The following BAHCC1 variants were observed in gnomAD, a reference collection of about 807,000 sequenced individuals.
BAHCC1 encodes BAH domain and coiled-coil containing 1.
A neutral mutation model predicts 88.2 loss-of-function variants in BAHCC1; 43 were observed. That is an observed-to-expected ratio of 0.49 (90% CI 0.38 to 0.63). The LOEUF (loss-of-function observed/expected upper bound fraction) is 0.63. Among genes scored for constraint, BAHCC1 ranks in the 20% least tolerant of loss-of-function variants. The probability of loss-of-function intolerance (pLI) is 0.00; values close to 1 mark genes in which losing one functional copy is unlikely to be tolerated. For synonymous variants in BAHCC1, 1,510 were observed against 745.5 expected, an observed-to-expected ratio of 2.03 and a Z score of -16.71; for missense variants, 3,023 against 1,654.8, an observed-to-expected ratio of 1.83 and a Z score of -14.34.
chr17:81,417,190 C>T (rs905764095), intron 2 of BAHCC1, among the ~76,000 whole-genome samples: 3 of 152,178 alleles, frequency 2.0e-5, no homozygotes, highest in African/African-American at 7.2e-5. Flanking sequence ...GGGTGTCCGT[C>T]TCCCCGCAGC....
chr17:81,400,228 C>T (rs2143165475), intron 2 of BAHCC1, among the ~76,000 whole-genome samples: 1 of 152,336 alleles, frequency 6.6e-6, no homozygotes, highest in African/African-American at 2.4e-5. Flanking sequence ...CTAAATTCCA[C>T]GGAAACCTCT....
chr17:81,412,963 G>A (rs782813559), intron 2 of BAHCC1: 1 of 276,380 alleles, frequency 3.6e-6, no homozygotes, highest in South Asian at 2.6e-5. Context: ...AGCGCAGGAC[G>A]GAAGCTCGGT....
chr17:81,423,257 C>T (rs1181311378), intron 2 of BAHCC1, among the ~76,000 whole-genome samples: 1 of 152,142 alleles, frequency 6.6e-6, no homozygotes, highest in Admixed American at 6.5e-5. Flanking sequence ...TGGCTGCGTT[C>T]GCACACGAGA....
intron 2 of BAHCC1, among the ~76,000 whole-genome samples, chr17:81,419,602 A>C (rs1429762821): frequency 6.8e-6 from 1 of 146,700 alleles, no homozygotes. Flanking sequence ...TGCCGAGGGA[A>C]GAGGGGAGCC....
intron 4 of BAHCC1, among the ~76,000 whole-genome samples, chr17:81,440,801 C>T (rs1338573675): frequency 1.3e-5 from 2 of 152,204 alleles, no homozygotes; most frequent in Non-Finnish European, 2.9e-5. Flanking sequence ...TCTCTGCCCC[C>T]GGAGCCACTG....
intron 14 of BAHCC1, 129 bp from the exon 15 acceptor site, chr17:81,455,134 CTCTG>C: frequency 3.2e-6 from 2 of 624,692 alleles, no homozygotes; most frequent in Non-Finnish European, 5.8e-6. Context: ...TCACCCCCTG[CTCTG>C]TCTGCCCGAG....
intron 3 of BAHCC1, among the ~76,000 whole-genome samples, chr17:81,430,394 G>A (rs887315747): frequency 0.051 from 7,777 of 152,248 alleles, 287 homozygotes; most frequent in Middle Eastern, 0.12. Flanking sequence ...GCACACACAC[G>A]CGCTGGCTCT....
At chr17:81,422,682 C>A in intron 2 of BAHCC1, 1 of 343,892 alleles carries the variant, frequency 2.9e-6, no homozygotes, top group South Asian at 2.1e-5. Context: ...CGGGGAGTGT[C>A]CTGCCCCCAC....
intron 17 of BAHCC1, 72 bp from the exon 18 acceptor site, chr17:81,458,093 C>A (rs993232609): frequency 1.4e-6 from 1 of 699,000 alleles, no homozygotes; most frequent in Non-Finnish European, 2.7e-6. Context: ...GAGGGAGGAC[C>A]GGCACAGTCA....
At chr17:81,412,050 A>G (rs1555647944) in intron 2 of BAHCC1, among the ~76,000 whole-genome samples, 3 of 152,212 alleles carry the variant, frequency 2.0e-5, no homozygotes, top group African/African-American at 7.2e-5. Context: ...GGTGACCCCC[A>G]GGAGGCCTGA....
At chr17:81,457,246 A>G (rs889186941) in intron 16 of BAHCC1, among the ~76,000 whole-genome samples, 164 bp from the exon 17 acceptor site, 3 of 152,132 alleles carry the variant, frequency 2.0e-5, no homozygotes, top group Non-Finnish European at 2.9e-5. Flanking sequence ...CCAGGACCTC[A>G]GGCACCTGCC....
chr17:81,400,355 C>T (rs1486825706), intron 2 of BAHCC1, among the ~76,000 whole-genome samples: 4 of 152,198 alleles, frequency 2.6e-5, no homozygotes, highest in African/African-American at 9.6e-5. Flanking sequence ...ACGCCGCGGC[C>T]TCGCGGATTA....
rs782242715 is a variant in BAHCC1 at position 81,461,563 on chromosome 17, G to C, written c.6900G>C (p.Pro2300=). 1.4e-6 allele frequency: 1 copy of C among 721,372 alleles called. No homozygotes were observed. The highest frequency in any genetic ancestry group is 2.6e-6 in the Non-Finnish European group (1 of 387,650). 44.7% of individuals were successfully genotyped at this position (721,372 alleles called of 1,614,324 possible). ...TCTCGGACGAGGACGAGGACGGGCC[G>C]GGGCTGGCGGCCGGCGTGCCCTCCC... ...SSFSDEDEDG[P]GLAAGVPSRF... is the part of the protein sequence containing the mutation. Residue 2300 remains proline, a synonymous_variant, in exon 26 of 28, where the codon CCG becomes CCC. Transcript: ENST00000675386.
chr17:81,450,748 C>G (rs2064618045), intron 11 of BAHCC1, among the ~76,000 whole-genome samples: 1 of 152,192 alleles, frequency 6.6e-6, no homozygotes, highest in South Asian at 2.1e-4. Context: ...ATCCAGAAAC[C>G]CCTGCCCGCT....
rs782241129 is a variant in BAHCC1 at position 81,452,184 on chromosome 17, C to T, written c.4316+77C>T. 6.9e-4 allele frequency: 379 copies of T among 546,918 alleles called. 1 individual carries two copies. In the Middle Eastern group the frequency reaches 0.01, roughly 15 times the overall value. 33.9% of individuals were successfully genotyped at this position (546,918 alleles called of 1,614,324 possible). On this transcript the variant is annotated intron_variant, in intron 13 of 27. Transcript: ENST00000675386. ...CGGGAGGCGCCCACAGTGCTGGGGC[C>T]GATGTGGGAACAGGCCAGGATTGGG...
intron 2 of BAHCC1, among the ~76,000 whole-genome samples, chr17:81,414,586 G>A (rs782462568): frequency 1.3e-5 from 2 of 152,192 alleles, no homozygotes; most frequent in African/African-American, 2.4e-5. Context: ...TAGGAACGCC[G>A]AGTTTTTACC....
In BAHCC1 at chr17:81,445,680, A is replaced by T. The variant is rs782049712; in HGVS notation, c.3162A>T (p.Pro1054=). 1.2e-5 allele frequency: 9 copies of T among 726,234 alleles called. No homozygotes were observed. Among genetic ancestry groups the T allele is most frequent in the Non-Finnish European group, 2.0e-5 (8 of 390,774 alleles). 45.0% of individuals were successfully genotyped at this position (726,234 alleles called of 1,614,324 possible). A position where few individuals can be genotyped will look rare whatever the true frequency, so the allele number is the denominator to read the frequency against. ...CGGCCGACATCATCACATCCGAACC[A>T]GGTGAGAGTAGCCGCCTGGCCCGGC... ...QSTADIITSE[P]DLPPGYLRPM... is the part of the protein sequence containing the mutation. Residue 1054 remains proline, a splice_region_variant and synonymous_variant, in exon 10 of 28, where the codon CCA becomes CCT. Coordinates refer to ENST00000675386, the MANE Select transcript of BAHCC1 (RefSeq NM_001377448.1).
chr17:81,460,223 G>A (rs782015681), intron 23 of BAHCC1, 54 bp from the exon 24 acceptor site: 52 of 713,690 alleles, frequency 7.3e-5, no homozygotes, highest in Non-Finnish European at 1.2e-4. Flanking sequence ...CCGCCTCCCT[G>A]TTTCGGGCGC....
chr17:81,445,277 C>T, intron 9 of BAHCC1, 77 bp from the exon 10 acceptor site: 3 of 723,050 alleles, frequency 4.1e-6, no homozygotes, highest in Non-Finnish European at 7.7e-6. Flanking sequence ...TGGCCTCTGG[C>T]AGGATGAACC....
Sources: gnomAD v4.1 joint callset for allele counts (sites outside exome capture counted in the v4.1 genomes callset) on GRCh38, gnomAD v4.1.1 for gene constraint, MANE v1.5 for transcripts, NCBI Gene and HGNC (gene_info 2026-07-23, HGNC 2026-07-21) for gene names.